The following ABHD2 variants were observed in gnomAD, a reference collection of about 807,000 sequenced individuals.
ABHD2 encodes abhydrolase domain containing 2, acylglycerol lipase.
Under a neutral mutation model 48.1 loss-of-function variants are expected in ABHD2, and 20 were observed. The ratio of observed to expected loss-of-function variants is 0.42; its 90% confidence interval spans 0.29 to 0.60. The LOEUF (loss-of-function observed/expected upper bound fraction) is 0.60, where lower values mean the gene tolerates loss of function less well. ABHD2 is among the 20% of genes least tolerant of loss of function. ABHD2 has a pLI of 0.24. For synonymous variants in ABHD2, 209 were observed against 214.2 expected (o/e 0.98, Z 0.21); for missense variants, 405 against 550.9 (o/e 0.74, Z 2.65).
chr15:89,110,066 C>G (rs2049848677), intron 1 of ABHD2, among the ~76,000 whole-genome samples: 1 of 151,772 alleles, frequency 6.6e-6, no homozygotes, highest in African/African-American at 2.4e-5. Flanking sequence ...TCTTTTTATA[C>G]TATCTTTTCT....
At chr15:89,052,573 A>ACACACG in the ABHD2 span, among the ~76,000 whole-genome samples, 1 of 151,572 alleles carries the variant, frequency 6.6e-6, no homozygotes, top group African/African-American at 2.4e-5. Context: ...ACACACACAC[A>ACACACG]CACACACGAC....
chr15:89,191,435 C>T (rs193001914), intron 9 of ABHD2, among the ~76,000 whole-genome samples: 257 of 152,230 alleles, frequency 1.7e-3, no homozygotes, highest in Non-Finnish European at 2.8e-3. Context: ...ACAGTATAAT[C>T]CTGTCTGGTT....
At chr15:89,149,743 A>G (rs373782708) in intron 3 of ABHD2, among the ~76,000 whole-genome samples, 8 of 152,360 alleles carry the variant, frequency 5.3e-5, no homozygotes, top group African/African-American at 1.7e-4. Flanking sequence ...CACCACGTGT[A>G]CCTGTTCTGG....
chr15:89,161,277 T>C (rs898020313), intron 5 of ABHD2, among the ~76,000 whole-genome samples: 2 of 152,242 alleles, frequency 1.3e-5, no homozygotes, highest in Non-Finnish European at 2.9e-5. Flanking sequence ...GGGAGAATAG[T>C]AGAATAAACC....
At chr15:89,127,720 C>CATATATATATATATATATATAT (rs1567080056) in intron 3 of ABHD2, among the ~76,000 whole-genome samples, 5 of 69,784 alleles carry the variant, frequency 7.2e-5, no homozygotes, top group African/African-American at 2.8e-4. Context: ...TATATATATA[C>CATATATATATATATATATATAT]ACATATATAT....
Position 89,173,221 on chromosome 15 carries a change from C to T in ABHD2, c.539-2591C>T, listed in dbSNP as rs1420547824. Among the ~76,000 whole-genome samples, 1 of 152,234 alleles carries T rather than the reference C, an allele frequency of 6.6e-6. No individual in the cohort carries two copies. The highest frequency in any genetic ancestry group is 2.4e-5 in the African/African-American group (1 of 41,456). On this transcript the variant is annotated intron_variant, in intron 5 of 10. Transcript: ENST00000352732. The surrounding 1 kb of genome is among the most constrained non-coding windows in gnomAD (Gnocchi z 6.5). ...CATCCCCTTTTTTATATCACAGCTA[C>T]ATTTTGAAATCCAGCATTCCCTGGA... is the stretch of plus-strand genomic sequence containing the variant.
At chr15:89,170,991 C>T (rs1198865869) in intron 5 of ABHD2, among the ~76,000 whole-genome samples, 3 of 152,034 alleles carry the variant, frequency 2.0e-5, no homozygotes, top group Non-Finnish European at 4.4e-5. Context: ...TGGTGGGCGC[C>T]TGTAATCCCA....
intron 3 of ABHD2, among the ~76,000 whole-genome samples, chr15:89,123,292 C>T (rs1036457561): frequency 6.6e-6 from 1 of 152,168 alleles, no homozygotes; most frequent in African/African-American, 2.4e-5. Flanking sequence ...CGGTGGTTTT[C>T]CCTTTTTCTC....
At chr15:89,061,561 A>T in the ABHD2 span, among the ~76,000 whole-genome samples, 1 of 152,100 alleles carries the variant, frequency 6.6e-6, no homozygotes, top group African/African-American at 2.4e-5. Flanking sequence ...AATCTAAACA[A>T]TTCAAAACAG....
At chr15:89,076,661 T>A in the ABHD2 span, among the ~76,000 whole-genome samples, 1 of 151,994 alleles carries the variant, frequency 6.6e-6, no homozygotes, top group Non-Finnish European at 1.5e-5. Context: ...TTTTTTGTAT[T>A]TTTGTAGAGA....
chr15:89,126,181 C>T (rs974363303), intron 3 of ABHD2, among the ~76,000 whole-genome samples: 9 of 152,298 alleles, frequency 5.9e-5, no homozygotes, highest in African/African-American at 1.7e-4. Flanking sequence ...GATTCCATCA[C>T]GTGGTATCAA....
intron 3 of ABHD2, among the ~76,000 whole-genome samples, chr15:89,125,260 A>T (rs1378766720): frequency 6.6e-6 from 1 of 152,124 alleles, no homozygotes; most frequent in Non-Finnish European, 1.5e-5. Flanking sequence ...ATGTCAAAAA[A>T]AAAAAAAGAG....
rs1035462111 is a variant in ABHD2, at chr15:89,177,954, C to T, written c.722+1959C>T. On this transcript the variant is annotated intron_variant, in intron 6 of 10. Transcript: ENST00000352732. The surrounding 1 kb of genome is among the most constrained non-coding windows in gnomAD (Gnocchi z 5.6). Reference sequence around the variant, plus strand: ...GCTGTCAGCAAGAGCACATGATTGACGCAGCAAGCTAAGGTGTTTGAACTA... The same window carrying T: ...GCTGTCAGCAAGAGCACATGATTGATGCAGCAAGCTAAGGTGTTTGAACTA... Among the ~76,000 whole-genome samples, 2 of 152,258 alleles carry T rather than the reference C, an allele frequency of 1.3e-5. No homozygotes were observed. Among genetic ancestry groups the T allele is most frequent in the South Asian group, 2.1e-4 (1 of 4,824 alleles).
At position 89,091,577 on chromosome 15, in the gene ABHD2, C is replaced by T. The variant is rs754636776; in HGVS notation, c.-107+3014C>T. On this transcript the variant is annotated intron_variant, in intron 1 of 10. Transcript: ENST00000352732. The surrounding 1 kb of genome is among the most constrained non-coding windows in gnomAD (Gnocchi z 5.5). ...AGGACCCATAACCTCTGTAGTGGTT[C>T]TCACTGCCCTTGTTCAGAGCTCCTG... Among the ~76,000 whole-genome samples, 1 of 152,154 alleles carries T rather than the reference C, an allele frequency of 6.6e-6. No individual in the cohort carries two copies. The highest frequency in any genetic ancestry group is 1.5e-5 in the Non-Finnish European group (1 of 68,038).
intron 1 of ABHD2, among the ~76,000 whole-genome samples, chr15:89,089,515 A>G (rs975942147): frequency 6.6e-6 from 1 of 152,180 alleles, no homozygotes; most frequent in African/African-American, 2.4e-5. Flanking sequence ...CGCTCTCTTA[A>G]TCTTCCCAAT....
rs917636663 is a variant in ABHD2 at position 89,091,682 on chromosome 15, CTT to C, written c.-107+3122_-107+3123del. 2.0e-5 allele frequency among the ~76,000 whole-genome samples: 3 copies of C among 152,172 alleles called. No homozygotes were observed. The highest frequency in any genetic ancestry group is 1.3e-4 in the Admixed American group (2 of 15,286). On this transcript the variant is annotated intron_variant, in intron 1 of 10. Transcript: ENST00000352732. This position sits in a 1 kb window ranked among gnomAD's most constrained non-coding sequence, Gnocchi z 5.5. ...CTTATTTTTTGCCTAAAATCTGGCT[CTT>C]TTAAAAGCCCCAGGAGAGAGACATT...
the ABHD2 span, among the ~76,000 whole-genome samples, chr15:89,052,558 G>GACACACACACAC: frequency 7.2e-5 from 9 of 124,142 alleles, no homozygotes; most frequent in African/African-American, 1.3e-4. Flanking sequence ...CAGACAGACA[G>GACACACACACAC]ACACACACAC....
rs1471591120 is a variant in ABHD2 at position 89,174,773 on chromosome 15, G to A, written c.539-1039G>A. ...TTGGCTCCCTACAGAGTTTGAGGTT[G>A]GGCCTTAGAAGGATGTGATGAATCC... On this transcript the variant is annotated intron_variant, in intron 5 of 10. Transcript: ENST00000352732. The surrounding 1 kb of genome is among the most constrained non-coding windows in gnomAD (Gnocchi z 4.1). Among the ~76,000 whole-genome samples the A allele has an allele frequency of 1.3e-5, 2 of 152,162 alleles. No individual in the cohort carries two copies. The highest frequency in any genetic ancestry group is 4.8e-5 in the African/African-American group (2 of 41,430).
intron 3 of ABHD2, among the ~76,000 whole-genome samples, chr15:89,128,984 A>C (rs1343948403): frequency 6.6e-6 from 1 of 152,168 alleles, no homozygotes; most frequent in Non-Finnish European, 1.5e-5. Context: ...GAAAGGGCTG[A>C]ATCACAGATT....
Sources: gnomAD v4.1 joint callset for allele counts (sites outside exome capture counted in the v4.1 genomes callset) on GRCh38, gnomAD v4.1.1 for gene constraint, Gnocchi (gnomAD v3.1) non-coding constraint, MANE v1.5 for transcripts, NCBI Gene and HGNC (gene_info 2026-07-23, HGNC 2026-07-21) for gene names.